The following ZNF831 variants were observed in gnomAD, a reference collection of about 807,000 sequenced individuals.
The protein encoded by ZNF831 is chromosome 20 open reading frame 174.
Under a neutral mutation model 95.8 loss-of-function variants are expected in ZNF831, and 59 were observed. The ratio of observed to expected loss-of-function variants is 0.62; its 90% confidence interval spans 0.50 to 0.77. The LOEUF (loss-of-function observed/expected upper bound fraction) is 0.77. Among genes scored for constraint, ZNF831 ranks in the 30% least tolerant of loss-of-function variants. The probability of loss-of-function intolerance (pLI) is 0.00; values close to 1 mark genes in which losing one functional copy is unlikely to be tolerated. For missense variants in ZNF831, 2,205 were observed against 2,164.0 expected, an observed-to-expected ratio of 1.02 and a Z score of -0.38; for synonymous variants, 961 against 925.5, an observed-to-expected ratio of 1.04 and a Z score of -0.70.
chr20:59,153,137 T>A (rs1306785816), intron 2 of ZNF831, among the ~76,000 whole-genome samples: 1 of 152,150 alleles, frequency 6.6e-6, no homozygotes, highest in Non-Finnish European at 1.5e-5. Context: ...ACTCACTCTT[T>A]CCCACCTGAG....
intron 3 of ZNF831, among the ~76,000 whole-genome samples, chr20:59,201,245 A>G (rs1381362797): frequency 6.6e-6 from 1 of 152,192 alleles, no homozygotes; most frequent in Non-Finnish European, 1.5e-5. Flanking sequence ...GATATTCAGC[A>G]TCTTTTTTTG....
rs770846383 is a variant in ZNF831, at chr20:59,195,941, C to T, written c.3811C>T (p.Pro1271Ser). 26 of 1,614,150 alleles carry T rather than the reference C, an allele frequency of 1.6e-5. No individual in the cohort carries two copies. Among genetic ancestry groups the T allele is most frequent in the Non-Finnish European group, 2.1e-5 (25 of 1,180,032 alleles). Residue 1271 changes from proline to serine, a missense_variant, in exon 3 of 6, where the codon CCT (proline) becomes TCT (serine). Pro to Ser is a moderately conservative substitution (Grantham distance 74). Coordinates refer to ENST00000371030, the MANE Select transcript of ZNF831 (RefSeq NM_178457.3). ...VSEPEWKKGLPWRAKMSRGNS... is the reference protein window; with the variant it reads ...VSEPEWKKGLSWRAKMSRGNS... ...TGAGCCAGAATGGAAGAAAGGCCTG[C>T]CTTGGAGGGCAAAGATGTCTCGTGG...
chr20:59,176,167 A>G (rs1273672864), intron 1 of ZNF831, among the ~76,000 whole-genome samples: 1 of 152,236 alleles, frequency 6.6e-6, no homozygotes, highest in Non-Finnish European at 1.5e-5. Context: ...GGAGCACACA[A>G]CAGCTTGGAT....
rs1983699891 is a variant in ZNF831 at position 59,192,717 on chromosome 20, G to T, written c.1698G>T (p.Ala566=). Residue 566 remains alanine (A), a synonymous_variant, in exon 2 of 6, where the codon GCG becomes GCT. Transcript: ENST00000371030. The surrounding 1 kb of genome is among the most constrained non-coding windows in gnomAD (Gnocchi z 5.2). ...GHPRALVRQA[A]VEDLPGTPIG... is the part of the protein sequence containing the mutation. ...CCCGGGCCCTGGTCAGACAGGCCGCGGTGGAGGACCTGCCAGGCACCCCCA... is the reference window on the plus strand; with the variant it reads ...CCCGGGCCCTGGTCAGACAGGCCGCTGTGGAGGACCTGCCAGGCACCCCCA... The T allele has an allele frequency of 6.2e-7, 1 of 1,604,938 alleles. No homozygotes were observed. Among genetic ancestry groups the T allele is most frequent in the Non-Finnish European group, 8.5e-7 (1 of 1,176,574 alleles).
At chr20:59,252,837 A>G (rs1987962707) in intron 4 of ZNF831, 141 bp from the exon 5 acceptor site, 1 of 789,278 alleles carries the variant, frequency 1.3e-6, no homozygotes, top group South Asian at 2.8e-5. Flanking sequence ...TTGGAGATAA[A>G]TTGAGTTCTT....
intron 4 of ZNF831, among the ~76,000 whole-genome samples, chr20:59,216,268 C>T (rs185518801): frequency 6.6e-6 from 1 of 152,232 alleles, no homozygotes; most frequent in African/African-American, 2.4e-5. Flanking sequence ...GGATTTAAAC[C>T]ACTGAACCAA....
At chr20:59,240,674 C>T (rs1183151362) in intron 4 of ZNF831, among the ~76,000 whole-genome samples, 2 of 151,950 alleles carry the variant, frequency 1.3e-5, no homozygotes, top group Non-Finnish European at 2.9e-5. Flanking sequence ...TGGTGGCGGG[C>T]GCCTGTAGTC....
chr20:59,223,648 A>T (rs1430931244), intron 4 of ZNF831, among the ~76,000 whole-genome samples: 2 of 152,148 alleles, frequency 1.3e-5, no homozygotes, highest in East Asian at 1.9e-4. Context: ...AATGGGGGTG[A>T]TAGTAACACT....
In ZNF831 at chr20:59,253,051, G is replaced by A. The variant is rs1987978138; in HGVS notation, c.4101G>A (p.Lys1367=). 6.2e-7 allele frequency: 1 copy of A among 1,614,144 alleles called. No individual in the cohort carries two copies. The highest frequency in any genetic ancestry group is 8.5e-7 in the Non-Finnish European group (1 of 1,179,996). The change falls in exon 5 of 6, where the codon AAG becomes AAA. Residue 1367 remains lysine (K), a synonymous_variant. Transcript: ENST00000371030. ...CTTGTTGTGGGAAGGAAGAGAAGAA[G>A]GAAGGTGACTGCAGACAAACCTTAG... is the stretch of plus-strand genomic sequence containing the variant. ...SPPCCGKEEK[K]EGDCRQTLGT... is the part of the protein sequence containing the mutation.
At chr20:59,232,486 GC>G (rs757146442) in intron 4 of ZNF831, among the ~76,000 whole-genome samples, 16 of 147,422 alleles carry the variant, frequency 1.1e-4, no homozygotes, top group African/African-American at 2.5e-5. Flanking sequence ...CCCAGAGTCC[GC>G]CTCAGCCCTG....
intron 1 of ZNF831, among the ~76,000 whole-genome samples, chr20:59,126,590 C>G (rs1211604069): frequency 6.6e-6 from 1 of 152,216 alleles, no homozygotes; most frequent in Admixed American, 6.5e-5. Flanking sequence ...CTAAGAGTTG[C>G]CTGCTCCCGT....
Position 59,253,910 on chromosome 20 carries a change from T to C in ZNF831, c.4201T>C (p.Ser1401Pro), listed in dbSNP as rs762943688. 1 of 1,326,358 alleles carries C rather than the reference T, an allele frequency of 7.5e-7. No individual in the cohort carries two copies. Among genetic ancestry groups the C allele is most frequent in the Admixed American group, 2.0e-5 (1 of 51,142 alleles). The allele number at this position is 1,326,358 out of a possible 1,614,324, so 82.2% of individuals were successfully genotyped here. ...DKRTVKDISP[S>P]AGEHGDCTTH... is the part of the protein sequence containing the mutation. ...CACTTTGTTGCAGGATATTTCTCCATCTGCTGGTGAGCATGGTGACTGTAC... is the reference window on the plus strand; with the variant it reads ...CACTTTGTTGCAGGATATTTCTCCACCTGCTGGTGAGCATGGTGACTGTAC... The change falls in exon 6 of 6, where the codon TCT (serine) becomes CCT (proline). Residue 1401 changes from serine to proline, a missense_variant. Transcript: ENST00000371030.
chr20:59,162,130 T>C (rs912462894), upstream of ZNF831, among the ~76,000 whole-genome samples: 5 of 152,192 alleles, frequency 3.3e-5, no homozygotes, highest in African/African-American at 1.2e-4. Context: ...TTTGTTTAAG[T>C]TCCTTATAGA....
chr20:59,234,851 A>C (rs1986913588), intron 4 of ZNF831, among the ~76,000 whole-genome samples: 1 of 152,218 alleles, frequency 6.6e-6, no homozygotes, highest in Admixed American at 6.5e-5. Context: ...CTCTGCACCT[A>C]GTTTCCCCTA....
chr20:59,141,692 T>G (rs946126386), intron 1 of ZNF831, among the ~76,000 whole-genome samples: 13 of 152,240 alleles, frequency 8.5e-5, no homozygotes, highest in African/African-American at 2.9e-4. Flanking sequence ...ACTTGAGCTA[T>G]TCTAGTTCCT....
intron 1 of ZNF831, among the ~76,000 whole-genome samples, chr20:59,135,149 G>T (rs1979462986): frequency 6.6e-6 from 1 of 152,174 alleles, no homozygotes; most frequent in South Asian, 2.1e-4. Context: ...CTGGGCTCAT[G>T]TTCTACTGTT....
chr20:59,140,024 T>C (rs1568722792), intron 1 of ZNF831, among the ~76,000 whole-genome samples: 1 of 152,222 alleles, frequency 6.6e-6, no homozygotes, highest in East Asian at 1.9e-4. Flanking sequence ...CTCAAAGAAC[T>C]CTTACAATAA....
intron 4 of ZNF831, among the ~76,000 whole-genome samples, chr20:59,223,561 CGA>C (rs1406063266): frequency 1.3e-5 from 2 of 151,582 alleles, no homozygotes; most frequent in African/African-American, 4.9e-5. Context: ...GGCTCGCTGC[CGA>C]GTTTCACCAC....
chr20:59,124,397 A>G (rs1979100865), intron 1 of ZNF831, among the ~76,000 whole-genome samples: 1 of 152,168 alleles, frequency 6.6e-6, no homozygotes, highest in Non-Finnish European at 1.5e-5. Flanking sequence ...AACATCCCTC[A>G]GTGCCACATA....
Sources: gnomAD v4.1 joint callset for allele counts (sites outside exome capture counted in the v4.1 genomes callset) on GRCh38, gnomAD v4.1.1 for gene constraint, Gnocchi (gnomAD v3.1) non-coding constraint, MANE v1.5 for transcripts, NCBI Gene and HGNC (gene_info 2026-07-23, HGNC 2026-07-21) for gene names.